KAZN: variants seen among roughly 807,000 people sequenced by gnomAD.
The protein encoded by KAZN is kazrin.
A neutral mutation model predicts 87.4 loss-of-function variants in KAZN; 40 were observed. That is an observed-to-expected ratio of 0.46 (90% CI 0.36 to 0.60). The LOEUF is 0.60. KAZN is among the 20% of genes least tolerant of loss of function. The pLI is 0.00. For missense variants in KAZN, 898 were observed against 1,073.9 expected (o/e 0.84, Z 2.29); for synonymous variants, 466 against 458.3 (o/e 1.02, Z -0.22).
intron 1 of KAZN, among the ~76,000 whole-genome samples, chr1:14,753,493 G>A (rs1314098120): frequency 6.6e-6 from 1 of 152,070 alleles, no homozygotes; most frequent in Non-Finnish European, 1.5e-5. Flanking sequence ...TTGGGAGGCT[G>A]AGGCTTGCAT....
chr1:15,114,909 C>G lies in KAZN; in HGVS notation c.*274C>G, dbSNP rs1573332880. The stretch of plus-strand genomic sequence containing the variant: ...CACAGTGTCCGGCCCTGCCTCCATC[C>G]AGGATACACAGGCTCCACCTCAGAG... On this transcript the variant is annotated 3_prime_UTR_variant, in exon 15 of 15. Coordinates refer to ENST00000376030, the MANE Select transcript of KAZN (RefSeq NM_201628.3). The G allele has an allele frequency of 3.3e-6, 1 of 304,726 alleles. No individual in the cohort carries two copies. The highest frequency in any genetic ancestry group is 6.0e-5 in the East Asian group (1 of 16,692). 18.9% of individuals were successfully genotyped at this position (304,726 alleles called of 1,614,324 possible).
intron 2 of KAZN, among the ~76,000 whole-genome samples, chr1:15,020,500 A>G (rs963210244): frequency 6.6e-6 from 1 of 152,064 alleles, no homozygotes; most frequent in Non-Finnish European, 1.5e-5. Context: ...CCCCTCTTGC[A>G]TCGTCTCTTC....
intron 4 of KAZN, among the ~76,000 whole-genome samples, chr1:15,054,472 C>T (rs540311835): frequency 2.6e-5 from 4 of 151,822 alleles, no homozygotes; most frequent in South Asian, 4.2e-4. Flanking sequence ...CAACATAGTG[C>T]GACCCTGTCT....
At chr1:14,013,225 C>A (rs1241113324) in intron 1 of KAZN, among the ~76,000 whole-genome samples, 1 of 152,172 alleles carries the variant, frequency 6.6e-6, no homozygotes. Flanking sequence ...CTCTAAATGC[C>A]TCTTTCCAAA....
Position 14,996,690 on chromosome 1 carries a change from C to T in KAZN, c.418+35815C>T, listed in dbSNP as rs531527402. 1.2e-3 allele frequency among the ~76,000 whole-genome samples: 176 copies of T among 152,312 alleles called. No homozygotes were observed. Among genetic ancestry groups the T allele is most frequent in the Non-Finnish European group, 1.5e-3 (103 of 68,028 alleles). On this transcript the variant is annotated intron_variant, in intron 2 of 14. Coordinates refer to ENST00000376030, the MANE Select transcript of KAZN (RefSeq NM_201628.3). This position sits in a 1 kb window ranked among gnomAD's most constrained non-coding sequence, Gnocchi z 5.9. The stretch of plus-strand genomic sequence containing the variant: ...CTGTGTCCCCTACATTCTCTACGCA[C>T]GACCGAGGGCCATTCTTCCCTCACT...
intron 2 of KAZN, among the ~76,000 whole-genome samples, chr1:14,286,222 G>A (rs1268543644): frequency 6.6e-6 from 1 of 151,766 alleles, no homozygotes; most frequent in Non-Finnish European, 1.5e-5. Context: ...GCTTGTAGAT[G>A]GCTACATTCT....
At chr1:14,302,685 C>T (rs568418662) in intron 2 of KAZN, among the ~76,000 whole-genome samples, 50 of 152,110 alleles carry the variant, frequency 3.3e-4, no homozygotes, top group Non-Finnish European at 6.3e-4. Flanking sequence ...GAGGTTTTAT[C>T]ATATTTTCAA....
At chr1:14,867,586 G>C (rs1479353429) in intron 1 of KAZN, among the ~76,000 whole-genome samples, 1 of 152,168 alleles carries the variant, frequency 6.6e-6, no homozygotes, top group Non-Finnish European at 1.5e-5. Flanking sequence ...AGGATGAAAT[G>C]ACAGAGCACG....
chr1:14,070,167 C>CAAAAAAAAAAAAAAAAAAAAAAAA (rs61327562), intron 1 of KAZN, among the ~76,000 whole-genome samples: 5 of 72,864 alleles, frequency 6.9e-5, no homozygotes, highest in Admixed American at 1.6e-4. Context: ...GACTCCATCT[C>CAAAAAAAAAAAAAAAAAAAAAAAA]AAAAAAAAAA....
At chr1:14,331,568 A>C (rs978930728) in intron 2 of KAZN, among the ~76,000 whole-genome samples, 3 of 152,184 alleles carry the variant, frequency 2.0e-5, no homozygotes, top group African/African-American at 7.2e-5. Context: ...TCAGGTGTCA[A>C]AATTGGGTTA....
intron 1 of KAZN, among the ~76,000 whole-genome samples, chr1:14,812,952 C>A (rs1646457439): frequency 6.6e-6 from 1 of 152,168 alleles, no homozygotes; most frequent in Non-Finnish European, 1.5e-5. Flanking sequence ...TCTTTCTGGG[C>A]CTGTTTCTGA....
At chr1:14,903,939 G>A (rs1024771857) in intron 1 of KAZN, among the ~76,000 whole-genome samples, 5 of 152,188 alleles carry the variant, frequency 3.3e-5, no homozygotes, top group Admixed American at 2.0e-4. Flanking sequence ...AGCAGACTGC[G>A]GAAGGCCAGA....
At chr1:14,668,958 C>A (rs1639745590) in intron 1 of KAZN, among the ~76,000 whole-genome samples, 1 of 152,156 alleles carries the variant, frequency 6.6e-6, no homozygotes, top group Non-Finnish European at 1.5e-5. Flanking sequence ...ATGCAGAGAC[C>A]CCGGAGACCC....
chr1:13,906,363 A>G (rs942089914), intron 1 of KAZN, among the ~76,000 whole-genome samples: 3 of 152,290 alleles, frequency 2.0e-5, no homozygotes, highest in East Asian at 3.9e-4. Flanking sequence ...TGGAGAGAGA[A>G]ATACAGAGCC....
chr1:14,218,043 C>A (rs1428446335), intron 2 of KAZN, among the ~76,000 whole-genome samples: 2 of 152,034 alleles, frequency 1.3e-5, no homozygotes, highest in Admixed American at 6.6e-5. Flanking sequence ...TCCAATAAAC[C>A]AAATTAACTA....
At chr1:14,122,039 C>T (rs1455406437) in intron 1 of KAZN, among the ~76,000 whole-genome samples, 1 of 152,126 alleles carries the variant, frequency 6.6e-6, no homozygotes, top group Admixed American at 6.6e-5. Flanking sequence ...AGACTGGCCC[C>T]TGCAGGATTC....
chr1:14,891,834 T>G (rs908327513), intron 1 of KAZN, among the ~76,000 whole-genome samples: 10 of 152,308 alleles, frequency 6.6e-5, no homozygotes, highest in African/African-American at 2.4e-4. Flanking sequence ...AGCTATTTCT[T>G]CTAAAATGAA....
At chr1:13,910,144 A>G (rs915363598) in intron 1 of KAZN, among the ~76,000 whole-genome samples, 3 of 152,024 alleles carry the variant, frequency 2.0e-5, no homozygotes, top group Admixed American at 6.6e-5. Flanking sequence ...GCAAGTTCTT[A>G]TGGTTTAACA....
chr1:14,700,881 A>G (rs1179658879), intron 1 of KAZN, among the ~76,000 whole-genome samples: 2 of 152,168 alleles, frequency 1.3e-5, no homozygotes, highest in East Asian at 3.9e-4. Flanking sequence ...GGAGTTGGAT[A>G]AAATGGATCC....
Sources: allele counts gnomAD v4.1 joint callset (sites outside exome capture counted in the v4.1 genomes callset), GRCh38; gene constraint gnomAD v4.1.1; non-coding constraint Gnocchi (gnomAD v3.1); transcripts MANE v1.5; gene names NCBI Gene and HGNC (gene_info 2026-07-23, HGNC 2026-07-21).